Variants in REDIC1 observed in about 807,000 individuals in gnomAD.
REDIC1 encodes regulator of DNA class I crossover intermediates 1.
chr12:39,846,709 C>T, the REDIC1 span, among the ~76,000 whole-genome samples: 1 of 152,270 alleles, frequency 6.6e-6, no homozygotes, highest in East Asian at 1.9e-4. Context: ...GCCTCGGCCT[C>T]CTAAAATGCT....
the REDIC1 span, among the ~76,000 whole-genome samples, chr12:39,694,707 G>T: frequency 4.0e-5 from 6 of 151,814 alleles, no homozygotes; most frequent in African/African-American, 1.2e-4. Flanking sequence ...TCCTAGTGCT[G>T]AACTAGGCCC....
the REDIC1 span, among the ~76,000 whole-genome samples, chr12:39,661,713 A>G: frequency 1.3e-5 from 2 of 152,204 alleles, no homozygotes; most frequent in South Asian, 2.1e-4. Context: ...AGTCTAAGTC[A>G]TAAAATCTTT....
the REDIC1 span, among the ~76,000 whole-genome samples, chr12:39,715,390 C>T: frequency 2.0e-5 from 3 of 151,698 alleles, no homozygotes; most frequent in Non-Finnish European, 4.4e-5. Flanking sequence ...GGTTTATTTC[C>T]GGGTTCTCTA....
At chr12:39,641,095 A>G in the REDIC1 span, 4 of 934,258 alleles carry the variant, frequency 4.3e-6, no homozygotes, top group Admixed American at 4.3e-5. Context: ...ACTGGAGGCC[A>G]TCTTCCTTTG....
At chr12:39,695,158 G>T in the REDIC1 span, among the ~76,000 whole-genome samples, 20 of 152,230 alleles carry the variant, frequency 1.3e-4, no homozygotes, top group East Asian at 3.9e-3. Context: ...GCATCAGGTG[G>T]GCCTGAGTAC....
At chr12:39,699,718 G>C in the REDIC1 span, among the ~76,000 whole-genome samples, 3 of 152,294 alleles carry the variant, frequency 2.0e-5, no homozygotes, top group East Asian at 3.9e-4. Flanking sequence ...AGAGAGCAGT[G>C]GTTCTCCCAG....
the REDIC1 span, among the ~76,000 whole-genome samples, chr12:39,654,859 C>G: frequency 6.6e-6 from 1 of 152,250 alleles, no homozygotes; most frequent in East Asian, 1.9e-4. Context: ...GTGAAGGCAT[C>G]TGCACATGGA....
the REDIC1 span, among the ~76,000 whole-genome samples, chr12:39,803,204 C>CAAAAA: frequency 2.7e-5 from 2 of 73,738 alleles, no homozygotes; most frequent in African/African-American, 4.5e-5. Context: ...GAAGCAAATG[C>CAAAAA]AAAAAAAAAA....
At chr12:39,720,130 TAAAAAGTTCTTAA>T in the REDIC1 span, among the ~76,000 whole-genome samples, 2 of 151,954 alleles carry the variant, frequency 1.3e-5, no homozygotes, top group Non-Finnish European at 2.9e-5. Context: ...CTAGACCTAT[TAAAAAGTTCTTAA>T]AAAAAGTTCT....
the REDIC1 span, among the ~76,000 whole-genome samples, chr12:39,705,706 A>G: frequency 0.01 from 1,583 of 152,254 alleles, 15 homozygotes; most frequent in Non-Finnish European, 0.016. Flanking sequence ...ATGAAGGACA[A>G]GAAACATATG....
the REDIC1 span, among the ~76,000 whole-genome samples, chr12:39,856,224 T>C: frequency 6.6e-6 from 1 of 152,112 alleles, no homozygotes; most frequent in South Asian, 2.1e-4. Flanking sequence ...CAACCCTTCA[T>C]CCATCTATCC....
chr12:39,684,151 G>T, the REDIC1 span: 1 of 1,012,658 alleles, frequency 9.9e-7, no homozygotes, highest in South Asian at 3.7e-5. Context: ...AGTTTAAGGT[G>T]ATTTTTACAC....
the REDIC1 span, among the ~76,000 whole-genome samples, chr12:39,900,320 A>C: frequency 6.6e-6 from 1 of 152,170 alleles, no homozygotes. Context: ...TATTCAACAT[A>C]GTGTTGGAAG....
At chr12:39,738,309 C>A in the REDIC1 span, among the ~76,000 whole-genome samples, 2 of 152,168 alleles carry the variant, frequency 1.3e-5, no homozygotes, top group African/African-American at 4.8e-5. Flanking sequence ...TGTCATTGAA[C>A]ACGTATGTGT....
the REDIC1 span, among the ~76,000 whole-genome samples, chr12:39,799,065 GTT>G: frequency 7.7e-6 from 1 of 129,202 alleles, no homozygotes; most frequent in Admixed American, 7.8e-5. Context: ...TACTGTTCTG[GTT>G]TTTTTTTTTT....
At chr12:39,632,822 T>C in the REDIC1 span, among the ~76,000 whole-genome samples, 3 of 152,256 alleles carry the variant, frequency 2.0e-5, no homozygotes, top group South Asian at 6.2e-4. Flanking sequence ...TAAACATATC[T>C]TAATATAGAA....
the REDIC1 span, among the ~76,000 whole-genome samples, chr12:39,676,079 C>T: frequency 6.6e-6 from 1 of 151,994 alleles, no homozygotes; most frequent in African/African-American, 2.4e-5. Context: ...AGTTCTCCAG[C>T]AATGGATCCA....
the REDIC1 span, among the ~76,000 whole-genome samples, chr12:39,744,814 C>A: frequency 6.6e-6 from 1 of 151,882 alleles, no homozygotes. Flanking sequence ...ACAAGGGAAA[C>A]AAATAGAAAA....
the REDIC1 span, among the ~76,000 whole-genome samples, chr12:39,670,790 T>G: frequency 6.6e-6 from 1 of 151,882 alleles, no homozygotes; most frequent in Admixed American, 6.6e-5. Flanking sequence ...TTGAAAGACC[T>G]ATCTTTAAGT....
Sources: allele counts gnomAD v4.1 joint callset (sites outside exome capture counted in the v4.1 genomes callset), GRCh38; gene constraint gnomAD v4.1.1; transcripts MANE v1.5; gene names NCBI Gene and HGNC (gene_info 2026-07-23, HGNC 2026-07-21).